Variants in GRIA1 observed in about 807,000 individuals in gnomAD.
The protein encoded by GRIA1 is glutamate ionotropic receptor AMPA type subunit 1.
In GRIA1, 31 loss-of-function variants were observed where a neutral mutation model predicts 99.2. That is an observed-to-expected ratio of 0.31 (90% confidence interval 0.23 to 0.42). GRIA1 has a LOEUF of 0.42. Among genes scored for constraint, GRIA1 ranks in the 10% least tolerant of loss-of-function variants. The pLI, the probability that GRIA1 is intolerant of heterozygous loss-of-function variation, is 1.00. For missense variants in GRIA1, 782 were observed against 1,157.5 expected, an observed-to-expected ratio of 0.68 and a Z score of 4.71; for synonymous variants, 438 against 432.4, an observed-to-expected ratio of 1.01 and a Z score of -0.16.
rs1365979761 is a variant in GRIA1, at chr5:153,812,766, A to C, written c.*1541A>C. 2 of 152,238 alleles carry C rather than the reference A, an allele frequency of 1.3e-5. No individual in the cohort carries two copies. Among genetic ancestry groups the C allele is most frequent in the Admixed American group, 6.5e-5 (1 of 15,276 alleles). 9.4% of individuals were successfully genotyped at this position (152,238 alleles called of 1,614,324 possible). ...TTTGTTGGAAGTGAGAATCCCTGAC[A>C]TATAGCTTTCTTGGAGATCCCAACT... is the stretch of plus-strand genomic sequence containing the variant. On this transcript the variant is annotated 3_prime_UTR_variant, in exon 16 of 16. Transcript: ENST00000285900.
chr5:153,562,666 G>C (rs913535849), intron 2 of GRIA1, among the ~76,000 whole-genome samples: 3 of 152,096 alleles, frequency 2.0e-5, no homozygotes, highest in Non-Finnish European at 4.4e-5. Context: ...CTTGATTTTT[G>C]CATATCCAAC....
chr5:153,582,700 G>T (rs1445453771), intron 2 of GRIA1, among the ~76,000 whole-genome samples: 4 of 152,186 alleles, frequency 2.6e-5, no homozygotes, highest in African/African-American at 9.7e-5. Context: ...AGTTGGGAGA[G>T]CACTTAATTC....
chr5:153,571,464 C>T (rs1163061910), intron 2 of GRIA1, among the ~76,000 whole-genome samples: 2 of 152,130 alleles, frequency 1.3e-5, no homozygotes, highest in African/African-American at 4.8e-5. Flanking sequence ...TCCAGCAAAA[C>T]TATTTATGGG....
At chr5:153,627,982 CA>C (rs200692864) in intron 2 of GRIA1, among the ~76,000 whole-genome samples, 1,747 of 152,266 alleles carry the variant, frequency 0.011, 37 homozygotes, top group African/African-American at 0.04. Flanking sequence ...AGATGGGAGG[CA>C]AACCCAGGCA....
chr5:153,661,095 C>T (rs1412273446), intron 5 of GRIA1, among the ~76,000 whole-genome samples: 1 of 152,206 alleles, frequency 6.6e-6, no homozygotes, highest in African/African-American at 2.4e-5. Context: ...TGAGCAGAAA[C>T]TGTTCTTTAG....
intron 2 of GRIA1, among the ~76,000 whole-genome samples, chr5:153,592,004 G>A (rs921671714): frequency 1.2e-4 from 19 of 152,030 alleles, no homozygotes; most frequent in African/African-American, 4.1e-4. Flanking sequence ...ATTTCAAAAG[G>A]CAAAAACATC....
At chr5:153,629,631 C>T (rs979997035) in intron 2 of GRIA1, among the ~76,000 whole-genome samples, 3 of 152,220 alleles carry the variant, frequency 2.0e-5, no homozygotes, top group East Asian at 1.9e-4. Flanking sequence ...CATGCACACA[C>T]GCATTTATGC....
intron 2 of GRIA1, among the ~76,000 whole-genome samples, chr5:153,614,520 C>T (rs2149413716): frequency 6.6e-6 from 1 of 152,260 alleles, no homozygotes; most frequent in South Asian, 2.1e-4. Flanking sequence ...CTGGTCAAGT[C>T]ACTCACCCAA....
At chr5:153,761,731 G>A (rs1763194280) in intron 11 of GRIA1, among the ~76,000 whole-genome samples, 1 of 152,116 alleles carries the variant, frequency 6.6e-6, no homozygotes, top group Admixed American at 6.5e-5. Flanking sequence ...GTTTATTGCA[G>A]CACTATTCAC....
chr5:153,787,733 T>C (rs1010964305), intron 13 of GRIA1, among the ~76,000 whole-genome samples: 3 of 152,174 alleles, frequency 2.0e-5, no homozygotes, highest in African/African-American at 7.2e-5. Context: ...CAAGTTTATG[T>C]CTTCAACTTG....
chr5:153,582,615 A>G (rs1763140138), intron 2 of GRIA1, among the ~76,000 whole-genome samples: 2 of 152,136 alleles, frequency 1.3e-5, no homozygotes, highest in South Asian at 4.1e-4. Flanking sequence ...ACCAGAGCAT[A>G]TCTTTCTTAA....
intron 2 of GRIA1, among the ~76,000 whole-genome samples, chr5:153,628,183 C>T (rs1309942793): frequency 6.6e-6 from 1 of 152,208 alleles, no homozygotes; most frequent in Non-Finnish European, 1.5e-5. Context: ...GACTGGGACT[C>T]TCACAGAAGA....
rs116580761 is a variant in GRIA1 at position 153,776,923 on chromosome 5, G to T, written c.2270+6508G>T. ...CCCTGGAATCCTTTTTTTGCCTAAT[G>T]CTAACCTGAGTGCTACAGAAGGCCA... On this transcript the variant is annotated intron_variant, in intron 13 of 15. Transcript: ENST00000285900. Among the ~76,000 whole-genome samples the T allele has an allele frequency of 2.0e-5, 3 of 152,194 alleles. No homozygotes were observed. In the South Asian group the frequency reaches 6.2e-4, roughly 32 times the overall value.
In GRIA1 at chr5:153,716,805, C is replaced by A. The variant is rs530581387; in HGVS notation, c.1823+10738C>A. Among the ~76,000 whole-genome samples, 3 of 152,244 alleles carry A rather than the reference C, an allele frequency of 2.0e-5. No individual in the cohort carries two copies. In the East Asian group the frequency reaches 5.8e-4, roughly 29 times the overall value. On this transcript the variant is annotated intron_variant, in intron 11 of 15. Transcript: ENST00000285900. ...AATGAGGAAATAGAGTCAGAAGTGA[C>A]CTTAAAATTGTGACTGTGAGAGAGA...
intron 8 of GRIA1, among the ~76,000 whole-genome samples, chr5:153,696,839 G>A (rs188428631): frequency 6.8e-6 from 1 of 146,202 alleles, no homozygotes; most frequent in East Asian, 2.1e-4. Context: ...GATAAGTATA[G>A]GAGGTATAGC....
intron 11 of GRIA1, among the ~76,000 whole-genome samples, chr5:153,744,520 TAAG>T (rs1446012185): frequency 6.6e-6 from 1 of 152,268 alleles, no homozygotes; most frequent in Admixed American, 6.5e-5. Flanking sequence ...TTTATTAGCT[TAAG>T]AAGTATTTTC....
intron 2 of GRIA1, among the ~76,000 whole-genome samples, chr5:153,516,452 T>G (rs768648841): frequency 2.6e-5 from 4 of 151,958 alleles, no homozygotes; most frequent in Admixed American, 6.6e-5. Context: ...GTTGATAATC[T>G]GATTTTACCA....
At chr5:153,576,527 T>C (rs575485450) in intron 2 of GRIA1, among the ~76,000 whole-genome samples, 4 of 152,376 alleles carry the variant, frequency 2.6e-5, no homozygotes, top group Non-Finnish European at 4.4e-5. Context: ...TCTAATTTCA[T>C]TTCCTGAATT....
At chr5:153,671,222 C>T (rs1055235239) in intron 5 of GRIA1, among the ~76,000 whole-genome samples, 7 of 152,144 alleles carry the variant, frequency 4.6e-5, no homozygotes, top group African/African-American at 7.2e-5. Flanking sequence ...TGAGGAAACT[C>T]GGCCATTTCC....
Sources: allele counts gnomAD v4.1 joint callset (sites outside exome capture counted in the v4.1 genomes callset), GRCh38; gene constraint gnomAD v4.1.1; transcripts MANE v1.5; gene names NCBI Gene and HGNC (gene_info 2026-07-23, HGNC 2026-07-21).